Variants in CTNNA3 observed in about 807,000 individuals in gnomAD.
The protein encoded by CTNNA3 is catenin alpha-3.
A neutral mutation model predicts 95.7 loss-of-function variants in CTNNA3; 76 were observed. The observed-to-expected ratio is 0.79, with a 90% confidence interval of 0.66 to 0.96. CTNNA3 has a LOEUF of 0.96. Among genes scored for constraint, CTNNA3 ranks in the 40% least tolerant of loss-of-function variants. The pLI is 0.00. For synonymous variants in CTNNA3, 431 were observed against 374.4 expected, an observed-to-expected ratio of 1.15 and a Z score of -1.74; for missense variants, 1,191 against 1,089.8, an observed-to-expected ratio of 1.09 and a Z score of -1.31.
intron 7 of CTNNA3, among the ~76,000 whole-genome samples, chr10:67,137,667 G>A (rs930270168): frequency 4.6e-5 from 7 of 152,102 alleles, no homozygotes; most frequent in Non-Finnish European, 8.8e-5. Context: ...CTTTGTCATA[G>A]CCACTGAATA....
intron 13 of CTNNA3, among the ~76,000 whole-genome samples, chr10:66,272,268 T>C (rs2091298365): frequency 6.6e-6 from 1 of 152,186 alleles, no homozygotes; most frequent in South Asian, 2.1e-4. Flanking sequence ...TTAACTGGCA[T>C]TCCATGAGTC....
At chr10:66,546,989 T>C (rs745374030) in intron 10 of CTNNA3, among the ~76,000 whole-genome samples, 1 of 152,184 alleles carries the variant, frequency 6.6e-6, no homozygotes, top group Non-Finnish European at 1.5e-5. Context: ...ACAGAGCTTT[T>C]TGTTTTGTTT....
At chr10:66,741,020 T>C (rs1849309949) in intron 9 of CTNNA3, among the ~76,000 whole-genome samples, 1 of 152,222 alleles carries the variant, frequency 6.6e-6, no homozygotes, top group South Asian at 2.1e-4. Flanking sequence ...GAATTTTTGT[T>C]TAAACAACCA....
intron 6 of CTNNA3, among the ~76,000 whole-genome samples, chr10:67,185,569 A>G (rs945035198): frequency 2.0e-5 from 3 of 152,128 alleles, no homozygotes; most frequent in African/African-American, 7.2e-5. Context: ...AGTAGATATT[A>G]TTTTTGATGA....
At chr10:66,098,806 C>T (rs1357057110) in intron 14 of CTNNA3, 5 of 152,148 alleles carry the variant, frequency 3.3e-5, no homozygotes, top group Non-Finnish European at 5.9e-5. Flanking sequence ...GATATAACCA[C>T]GTATTGGTCC....
intron 5 of CTNNA3, among the ~76,000 whole-genome samples, chr10:67,237,938 G>A (rs1024520601): frequency 5.9e-5 from 9 of 152,182 alleles, no homozygotes; most frequent in Admixed American, 3.9e-4. Context: ...CTAGGCTATA[G>A]TGGGAGAGAT....
At chr10:66,297,280 C>T (rs1362573690) in intron 12 of CTNNA3, among the ~76,000 whole-genome samples, 1 of 152,026 alleles carries the variant, frequency 6.6e-6, no homozygotes, top group African/African-American at 2.4e-5. Flanking sequence ...ACAGATTCCA[C>T]ATAACCACCC....
intron 13 of CTNNA3, among the ~76,000 whole-genome samples, chr10:66,274,871 A>T (rs1564832809): frequency 1.3e-5 from 2 of 152,140 alleles, no homozygotes; most frequent in Admixed American, 6.6e-5. Flanking sequence ...CAGGAATATG[A>T]TCAATCCCTT....
intron 9 of CTNNA3, among the ~76,000 whole-genome samples, chr10:66,749,548 T>C (rs949621247): frequency 1.2e-4 from 18 of 152,188 alleles, no homozygotes; most frequent in Non-Finnish European, 2.5e-4. Context: ...GGTAGCTCAT[T>C]TTTTTGTGTT....
chr10:65,939,325 G>T (rs2133171611), intron 17 of CTNNA3, among the ~76,000 whole-genome samples: 1 of 152,262 alleles, frequency 6.6e-6, no homozygotes, highest in Non-Finnish European at 1.5e-5. Flanking sequence ...CAGTATGCAG[G>T]TTGGACTGAA....
intron 7 of CTNNA3, among the ~76,000 whole-genome samples, chr10:67,102,395 CTCA>C (rs1858393328): frequency 6.6e-6 from 1 of 151,720 alleles, no homozygotes; most frequent in Admixed American, 6.6e-5. Context: ...TTGAAGGTCT[CTCA>C]TGACTTGCAT....
intron 17 of CTNNA3, among the ~76,000 whole-genome samples, chr10:65,943,066 T>C (rs2077453191): frequency 6.9e-6 from 1 of 145,752 alleles, no homozygotes; most frequent in Admixed American, 7.1e-5. Context: ...TTTTTTCTTT[T>C]TCTTTTTTTT....
intron 13 of CTNNA3, among the ~76,000 whole-genome samples, chr10:66,127,932 C>T (rs567004812): frequency 6.6e-6 from 1 of 152,022 alleles, no homozygotes; most frequent in East Asian, 1.9e-4. Context: ...ATTAGCTGGG[C>T]GTAGTGGCAG....
intron 7 of CTNNA3, among the ~76,000 whole-genome samples, chr10:67,107,332 T>C (rs563026826): frequency 1.3e-5 from 2 of 152,332 alleles, no homozygotes; most frequent in East Asian, 1.9e-4. Context: ...ACATTTCTAT[T>C]TTATCTTCTT....
chr10:67,029,872 C>G (rs181675614), intron 7 of CTNNA3, among the ~76,000 whole-genome samples: 98 of 152,250 alleles, frequency 6.4e-4, no homozygotes, highest in African/African-American at 2.1e-3. Flanking sequence ...TAAATAGACA[C>G]GTGTGGCTAC....
At chr10:67,049,241 A>G (rs1283270125) in intron 7 of CTNNA3, among the ~76,000 whole-genome samples, 5 of 152,054 alleles carry the variant, frequency 3.3e-5, no homozygotes, top group Admixed American at 6.6e-5. Flanking sequence ...TTCCATATTG[A>G]TCATGTAGAC....
chr10:67,568,019 G>T (rs1486600755), intron 3 of CTNNA3, among the ~76,000 whole-genome samples: 1 of 152,080 alleles, frequency 6.6e-6, no homozygotes, highest in African/African-American at 2.4e-5. Context: ...GCCCCACTTT[G>T]CATGGCTCAT....
chr10:66,281,517 C>CA (rs1275641638), intron 12 of CTNNA3, among the ~76,000 whole-genome samples: 5 of 151,776 alleles, frequency 3.3e-5, no homozygotes, highest in African/African-American at 1.2e-4. Context: ...GATGTGAACT[C>CA]AGAGTCCCAA....
At chr10:67,027,667 C>T (rs114184265) in intron 7 of CTNNA3, among the ~76,000 whole-genome samples, 1,894 of 152,084 alleles carry the variant, frequency 0.012, 47 homozygotes, top group African/African-American at 0.043. Context: ...AATCTCTTGA[C>T]CTTGTCATCC....
Sources: gnomAD v4.1 joint callset for allele counts (sites outside exome capture counted in the v4.1 genomes callset) on GRCh38, gnomAD v4.1.1 for gene constraint, MANE v1.5 for transcripts, NCBI Gene and HGNC (gene_info 2026-07-23, HGNC 2026-07-21) for gene names.